ARHGEF7: variants seen among roughly 807,000 people sequenced by gnomAD.
ARHGEF7 encodes Rho guanine nucleotide exchange factor 7, also known as PAK-interacting exchange factor beta.
A neutral mutation model predicts 109.8 loss-of-function variants in ARHGEF7; 33 were observed. The observed-to-expected ratio is 0.30, with a 90% CI of 0.23 to 0.40. The LOEUF (loss-of-function observed/expected upper bound fraction) is 0.40, where lower values mean the gene tolerates loss of function less well. Ranked by LOEUF, ARHGEF7 falls within the 10% of genes least tolerant of loss-of-function variation. ARHGEF7 has a pLI of 1.00. For missense variants in ARHGEF7, 938 were observed against 1,098.5 expected (o/e 0.85, Z 2.07); for synonymous variants, 458 against 424.6 (o/e 1.08, Z -0.97).
At chr13:111,242,766 CTGTT>C (rs1470270995) in intron 6 of ARHGEF7, among the ~76,000 whole-genome samples, 1 of 152,174 alleles carries the variant, frequency 6.6e-6, no homozygotes, top group Non-Finnish European at 1.5e-5. Flanking sequence ...CTTTTCTCAG[CTGTT>C]TGAGTTGGGA....
chr13:111,142,484 C>T (rs1219121085), intron 1 of ARHGEF7, among the ~76,000 whole-genome samples: 1 of 152,250 alleles, frequency 6.6e-6, no homozygotes, highest in Non-Finnish European at 1.5e-5. Context: ...TTTCAGCCCA[C>T]CCTGCTGATA....
In ARHGEF7 at chr13:111,277,620, A is replaced by G; in HGVS notation, c.1453A>G (p.Asn485Asp). The change falls in exon 13 of 22, where the codon AAT becomes GAT. Residue 485 changes from asparagine (N) to aspartate (D), a missense_variant. Around this residue, in one of 4 missense-constraint regions of ARHGEF7, gnomAD observed 585 missense variants for 723.6 expected, o/e 0.81. Transcript: ENST00000646102. ...TGAAAGATATCTTCTACTCTTCCCA[A>G]ATGTTTTGCTAATGTTGTCTGCCAG... The part of the protein sequence containing the change: ...KNERYLLLFP[N>D]VLLMLSASPR... 1.2e-6 allele frequency: 2 copies of G among 1,608,428 alleles called. No individual in the cohort carries two copies. The highest frequency in any genetic ancestry group is 1.7e-4 in the Middle Eastern group (1 of 6,040).
intron 2 of ARHGEF7, among the ~76,000 whole-genome samples, chr13:111,193,445 C>A (rs1200927609): frequency 2.0e-5 from 3 of 152,268 alleles, no homozygotes; most frequent in Non-Finnish European, 4.4e-5. Context: ...AAGACTGCCA[C>A]CTCCTTGGGT....
chr13:111,146,655 T>C (rs540344989), intron 1 of ARHGEF7, among the ~76,000 whole-genome samples: 1 of 152,308 alleles, frequency 6.6e-6, no homozygotes, highest in African/African-American at 2.4e-5. Context: ...CCTTCTGTAG[T>C]GGTTTTTTTA....
At chr13:111,147,835 C>A (rs942870487) in intron 1 of ARHGEF7, among the ~76,000 whole-genome samples, 15 of 150,524 alleles carry the variant, frequency 1.0e-4, no homozygotes, top group Admixed American at 6.6e-5. Context: ...GTAGCTGGGA[C>A]TACAGGCGCC....
At chr13:111,140,614 A>C (rs1278098224) in intron 1 of ARHGEF7, among the ~76,000 whole-genome samples, 2 of 152,212 alleles carry the variant, frequency 1.3e-5, no homozygotes, top group African/African-American at 4.8e-5. Flanking sequence ...TCAAGGAAGG[A>C]ATAAGGGAGC....
rs1383225681 is a variant in ARHGEF7 at position 111,136,959 on chromosome 13, A to C, written c.166-16946A>C. On this transcript the variant is annotated intron_variant, in intron 1 of 21. Transcript: ENST00000646102. ...ATGCAAACTACCATCAGAGAATACT[A>C]TAAATACCTCTACGCAAATAAACTA... Among the ~76,000 whole-genome samples, 4 of 152,268 alleles carry C rather than the reference A, an allele frequency of 2.6e-5. 1 individual carries two copies. The highest frequency in any genetic ancestry group is 9.6e-5 in the African/African-American group (4 of 41,474).
intron 4 of ARHGEF7, among the ~76,000 whole-genome samples, chr13:111,216,951 C>T (rs2083226147): frequency 1.3e-5 from 2 of 152,174 alleles, no homozygotes; most frequent in Non-Finnish European, 2.9e-5. Flanking sequence ...GAGAAAAATG[C>T]GAATTAAAAT....
intron 19 of ARHGEF7, chr13:111,292,918 G>T: frequency 1.0e-6 from 1 of 987,132 alleles, no homozygotes; most frequent in Non-Finnish European, 1.2e-6. Context: ...CGGGCGTCAC[G>T]TGTGTTCAGA....
At position 111,290,281 on chromosome 13, in the gene ARHGEF7, C is replaced by T. The variant is rs1364712415; in HGVS notation, c.2135-1837C>T. Among the ~76,000 whole-genome samples, 4 of 151,676 alleles carry T rather than the reference C, an allele frequency of 2.6e-5. 1 individual carries two copies. Among genetic ancestry groups the T allele is most frequent in the Non-Finnish European group, 4.4e-5 (3 of 67,938 alleles). ...ATTCAACCAACTGCAGATAACTACT[C>T]AGAAAAAAGAAACAATAAAAAGTAA... is the stretch of plus-strand genomic sequence containing the variant. On this transcript the variant is annotated intron_variant, in intron 18 of 21. Transcript: ENST00000646102.
chr13:111,242,773 A>G (rs767824008), intron 6 of ARHGEF7, among the ~76,000 whole-genome samples: 2 of 152,248 alleles, frequency 1.3e-5, no homozygotes, highest in Middle Eastern at 3.4e-3. Flanking sequence ...CAGCTGTTTG[A>G]GTTGGGAGAA....
intron 5 of ARHGEF7, among the ~76,000 whole-genome samples, chr13:111,221,490 G>T (rs1274813435): frequency 4.8e-4 from 18 of 37,550 alleles, no homozygotes; most frequent in Non-Finnish European, 8.3e-4. Context: ...GATATATATA[G>T]ACATATATAT....
intron 15 of ARHGEF7, chr13:111,280,977 A>T (rs2092743341): frequency 4.0e-6 from 1 of 248,194 alleles, no homozygotes; most frequent in African/African-American, 2.2e-5. Flanking sequence ...GGGGAGTTTT[A>T]CACTCAACTA....
chr13:111,140,130 C>T (rs1444175286), intron 1 of ARHGEF7, among the ~76,000 whole-genome samples: 1 of 152,210 alleles, frequency 6.6e-6, no homozygotes, highest in Non-Finnish European at 1.5e-5. Context: ...TAGAGTGTCA[C>T]AGGCACAGGT....
chr13:111,218,852 A>G (rs138666270), intron 5 of ARHGEF7, among the ~76,000 whole-genome samples: 8 of 152,350 alleles, frequency 5.3e-5, no homozygotes, highest in Non-Finnish European at 1.0e-4. Flanking sequence ...GTAGCAAGAA[A>G]AAAAGATTTA....
chr13:111,151,188 A>G (rs1277320919), intron 1 of ARHGEF7, among the ~76,000 whole-genome samples: 1 of 152,252 alleles, frequency 6.6e-6, no homozygotes, highest in Non-Finnish European at 1.5e-5. Context: ...ACATTCTTAT[A>G]AAACAAGCAG....
At chr13:111,238,186 A>G (rs938626456) in intron 6 of ARHGEF7, among the ~76,000 whole-genome samples, 1 of 152,160 alleles carries the variant, frequency 6.6e-6, no homozygotes, top group African/African-American at 2.4e-5. Flanking sequence ...CTTGTTGTGT[A>G]GGTAGTTCAG....
intron 8 of ARHGEF7, among the ~76,000 whole-genome samples, chr13:111,259,330 G>A (rs1325191663): frequency 6.6e-6 from 1 of 152,198 alleles, no homozygotes; most frequent in Non-Finnish European, 1.5e-5. Flanking sequence ...CCCAATGGTG[G>A]TGACTACAGG....
chr13:111,275,661 C>G lies in ARHGEF7; in HGVS notation c.1402C>G (p.Gln468Glu), dbSNP rs2092432679. The change falls in exon 12 of 22, where the codon CAG (glutamine) becomes GAG (glutamate). Residue 468 changes from glutamine to glutamate, a missense_variant. Physicochemically the swap from Gln to Glu is conservative, Grantham distance 29 (BLOSUM62 2). Around this residue, in one of 4 missense-constraint regions of ARHGEF7, gnomAD observed 585 missense variants for 723.6 expected, o/e 0.81. Transcript: ENST00000646102. Reference sequence around the variant, plus strand: ...CACTTACATGTCCCAGGTCCTGATTCAGTGTGCCGGAAGTGAGGTACTGCT... The same window carrying G: ...CACTTACATGTCCCAGGTCCTGATTGAGTGTGCCGGAAGTGAGGTACTGCT... Reference protein sequence around the residue: ...NVTYMSQVLIQCAGSEEKNER... With the variant: ...NVTYMSQVLIECAGSEEKNER... 4.3e-6 allele frequency: 7 copies of G among 1,614,020 alleles called. No individual in the cohort carries two copies. The highest frequency in any genetic ancestry group is 8.5e-7 in the Non-Finnish European group (1 of 1,180,034).
Sources: allele counts gnomAD v4.1 joint callset (sites outside exome capture counted in the v4.1 genomes callset), GRCh38; gene constraint gnomAD v4.1.1; regional missense constraint gnomAD v4.1.1; transcripts MANE v1.5; gene names NCBI Gene and HGNC (gene_info 2026-07-23, HGNC 2026-07-21).